The following SV2C variants were observed in gnomAD, a reference collection of about 807,000 sequenced individuals.
The protein encoded by SV2C is synaptic vesicle glycoprotein 2C.
In SV2C, 49 loss-of-function variants were observed where a neutral mutation model predicts 79.7. The observed-to-expected ratio is 0.61, with a 90% CI of 0.49 to 0.78. The LOEUF (loss-of-function observed/expected upper bound fraction) is 0.78. Among genes scored for constraint, SV2C ranks in the 30% least tolerant of loss-of-function variants. SV2C has a pLI of 0.00. For missense variants in SV2C, 833 were observed against 912.9 expected (o/e 0.91, Z 1.13); for synonymous variants, 334 against 333.2 (o/e 1.00, Z -0.03).
At chr5:76,002,718 G>C in the SV2C span, among the ~76,000 whole-genome samples, 7 of 152,156 alleles carry the variant, frequency 4.6e-5, no homozygotes, top group Non-Finnish European at 7.3e-5. Flanking sequence ...CAGCAGAAAA[G>C]CTGAGGGAAA....
At chr5:76,135,043 A>G (rs897586726) in intron 2 of SV2C, among the ~76,000 whole-genome samples, 7 of 152,222 alleles carry the variant, frequency 4.6e-5, no homozygotes, top group African/African-American at 1.4e-4. Flanking sequence ...AGCAGGGAGA[A>G]CATGTTACAG....
intron 4 of SV2C, among the ~76,000 whole-genome samples, chr5:76,252,203 T>C (rs1220103573): frequency 6.6e-6 from 1 of 152,204 alleles, no homozygotes; most frequent in Non-Finnish European, 1.5e-5. Flanking sequence ...CACTGCAACC[T>C]CTGCCTCCTG....
chr5:76,224,807 A>C (rs1286732512), intron 4 of SV2C, among the ~76,000 whole-genome samples: 2 of 152,200 alleles, frequency 1.3e-5, no homozygotes, highest in Non-Finnish European at 2.9e-5. Context: ...GTTCTTCACA[A>C]GCACAGTATT....
At chr5:75,878,769 T>C in the SV2C span, among the ~76,000 whole-genome samples, 3 of 152,132 alleles carry the variant, frequency 2.0e-5, no homozygotes, top group Admixed American at 6.6e-5. Flanking sequence ...GAGTGCTGAG[T>C]TCCGATCCTC....
chr5:76,299,069 G>T lies in SV2C; in HGVS notation c.1636+142G>T, dbSNP rs1485119694. The T allele has an allele frequency of 4.5e-5, 49 of 1,087,738 alleles. No individual in the cohort carries two copies. The Admixed American group carries it at 1.6e-3, about 34-fold the overall frequency. The allele number at this position is 1,087,738 out of a possible 1,614,324, so 67.4% of individuals were successfully genotyped here. ...GGAACAAGTTCTCTAAATCAGGTTG[G>T]ATCAAAGGTTGGCTTGTATTGTTTG... is the stretch of plus-strand genomic sequence containing the variant. On this transcript the variant is annotated intron_variant, in intron 10 of 12. Transcript: ENST00000502798.
chr5:76,115,254 C>T (rs1387599007), intron 1 of SV2C, among the ~76,000 whole-genome samples: 1 of 152,166 alleles, frequency 6.6e-6, no homozygotes, highest in African/African-American at 2.4e-5. Flanking sequence ...TTGCTTGACA[C>T]CAGTATTTGG....
intron 4 of SV2C, among the ~76,000 whole-genome samples, chr5:76,251,098 T>G (rs909506447): frequency 2.0e-5 from 3 of 152,196 alleles, no homozygotes; most frequent in African/African-American, 4.8e-5. Context: ...CTGATTCCCT[T>G]TAAATGCTTC....
chr5:76,230,365 C>G (rs1423468191), intron 4 of SV2C, among the ~76,000 whole-genome samples: 2 of 152,074 alleles, frequency 1.3e-5, no homozygotes, highest in Admixed American at 6.5e-5. Context: ...GATGTGGTAC[C>G]ATGATATGGT....
the SV2C span, among the ~76,000 whole-genome samples, chr5:75,847,530 T>C: frequency 6.6e-6 from 1 of 152,344 alleles, no homozygotes; most frequent in Non-Finnish European, 1.5e-5. Flanking sequence ...ATATCTACTG[T>C]TGGTGTTTCA....
chr5:75,985,423 G>A, the SV2C span, among the ~76,000 whole-genome samples: 2 of 151,906 alleles, frequency 1.3e-5, no homozygotes, highest in African/African-American at 4.8e-5. Context: ...GATCAACTGG[G>A]AACTACAGTC....
At chr5:76,141,061 C>T (rs1322462183) in intron 2 of SV2C, among the ~76,000 whole-genome samples, 1 of 152,146 alleles carries the variant, frequency 6.6e-6, no homozygotes. Context: ...ATCTTATTTC[C>T]TCTTGCCTTT....
At chr5:76,250,761 C>T (rs1746089069) in intron 4 of SV2C, among the ~76,000 whole-genome samples, 1 of 152,188 alleles carries the variant, frequency 6.6e-6, no homozygotes, top group Non-Finnish European at 1.5e-5. Flanking sequence ...AAAACGATAT[C>T]ATCAAGAGCA....
chr5:76,135,751 C>T (rs1390521888), intron 2 of SV2C, among the ~76,000 whole-genome samples: 1 of 152,170 alleles, frequency 6.6e-6, no homozygotes, highest in East Asian at 1.9e-4. Context: ...ATTCTCCCTT[C>T]CCATTTGCTG....
chr5:76,072,236 G>C, the SV2C span, among the ~76,000 whole-genome samples: 1 of 152,124 alleles, frequency 6.6e-6, no homozygotes, highest in African/African-American at 2.4e-5. Context: ...CCTTATTTTG[G>C]AAAACAAAGT....
chr5:76,006,357 AAG>A, the SV2C span, among the ~76,000 whole-genome samples: 1 of 152,110 alleles, frequency 6.6e-6, no homozygotes, highest in Non-Finnish European at 1.5e-5. Flanking sequence ...TGCTTTCAGA[AAG>A]AGATGCTATG....
chr5:76,030,289 T>TTTATTTATTTATTTA, the SV2C span, among the ~76,000 whole-genome samples: 8 of 117,870 alleles, frequency 6.8e-5, no homozygotes, highest in African/African-American at 3.1e-4. Context: ...TTTTTTTTTT[T>TTTATTTATTTATTTA]TTTATTTATT....
intron 12 of SV2C, among the ~76,000 whole-genome samples, chr5:76,320,084 G>A (rs1748777806): frequency 6.6e-6 from 1 of 151,948 alleles, no homozygotes; most frequent in Non-Finnish European, 1.5e-5. Context: ...GGCTGAGGTG[G>A]GAGGATTGCT....
At chr5:76,325,318 T>C (rs1748955254) in intron 12 of SV2C, 46 bp from the exon 13 acceptor site, 1 of 1,593,592 alleles carries the variant, frequency 6.3e-7, no homozygotes, top group South Asian at 1.1e-5. Flanking sequence ...GTTGGAATCA[T>C]GGGGAGGCAT....
chr5:75,966,366 C>A, the SV2C span, among the ~76,000 whole-genome samples: 1 of 152,084 alleles, frequency 6.6e-6, no homozygotes, highest in Non-Finnish European at 1.5e-5. Context: ...CTACCAGACC[C>A]CAAATAAATT....
Sources: allele counts gnomAD v4.1 joint callset (sites outside exome capture counted in the v4.1 genomes callset), GRCh38; gene constraint gnomAD v4.1.1; transcripts MANE v1.5; gene names NCBI Gene and HGNC (gene_info 2026-07-23, HGNC 2026-07-21).